The following HDAC9 variants were observed in gnomAD, a reference collection of about 807,000 sequenced individuals.
The protein encoded by HDAC9 is histone deacetylase 9, also known as MEF-2 interacting transcription repressor (MITR) protein.
A neutral mutation model predicts 139.4 loss-of-function variants in HDAC9; 41 were observed. That is an observed-to-expected ratio of 0.29 (90% CI 0.23 to 0.38). The LOEUF is 0.38. Among genes scored for constraint, HDAC9 ranks in the 10% least tolerant of loss-of-function variants. The pLI is 1.00. For synonymous variants in HDAC9, 517 were observed against 476.2 expected (o/e 1.09, Z -1.12); for missense variants, 1,147 against 1,297.0 (o/e 0.88, Z 1.78).
rs111936497 is a variant in HDAC9, at chr7:18,797,836, A to T, written c.2322+4384A>T. The stretch of plus-strand genomic sequence containing the variant: ...AGAGTAAGACTCCATCTCAGAAAAA[A>T]AAAAAAATTCCTTTCGTCTTGTTAA... On this transcript the variant is annotated intron_variant, in intron 17 of 25. Coordinates refer to ENST00000686413, the MANE Select transcript of HDAC9 (RefSeq NM_178425.4). Among the ~76,000 whole-genome samples, 1,453 of 152,228 alleles carry T rather than the reference A, an allele frequency of 9.5e-3. 21 individuals carry two copies. Among genetic ancestry groups the T allele is most frequent in the African/African-American group, 0.033 (1,353 of 41,526 alleles).
chr7:18,807,706 C>T (rs182087912), intron 17 of HDAC9, among the ~76,000 whole-genome samples: 18 of 152,112 alleles, frequency 1.2e-4, no homozygotes, highest in African/African-American at 3.6e-4. Flanking sequence ...AAATATGTTG[C>T]TTAATTGTCA....
chr7:18,836,977 G>C (rs752068915), intron 21 of HDAC9, among the ~76,000 whole-genome samples: 3 of 151,880 alleles, frequency 2.0e-5, no homozygotes, highest in Non-Finnish European at 2.9e-5. Flanking sequence ...TGAAACTTGT[G>C]GAAATAATAG....
chr7:18,794,011 A>G (rs1474490505), intron 17 of HDAC9, among the ~76,000 whole-genome samples: 2 of 152,194 alleles, frequency 1.3e-5, no homozygotes, highest in African/African-American at 4.8e-5. Context: ...TCTTTTCTAC[A>G]TCGTATGAAA....
chr7:18,798,339 T>C (rs1792988318), intron 17 of HDAC9, among the ~76,000 whole-genome samples: 1 of 152,098 alleles, frequency 6.6e-6, no homozygotes. Context: ...TTTTCAAAAC[T>C]CAGGAAAGTA....
chr7:18,728,402 AACACACACAC>A (rs56281287), intron 13 of HDAC9, among the ~76,000 whole-genome samples: 4,443 of 145,616 alleles, frequency 0.031, 102 homozygotes, highest in African/African-American at 0.067. Flanking sequence ...TTAAGTGTGG[AACACACACAC>A]ACACACACAC....
Position 18,680,403 on chromosome 7 carries a change from G to C in HDAC9, c.1731+13927G>C, listed in dbSNP as rs78499138. On this transcript the variant is annotated intron_variant, in intron 12 of 25. Coordinates refer to ENST00000686413, the MANE Select transcript of HDAC9 (RefSeq NM_178425.4). ...TCAGGTTTTGATTTTAGTTGGTATAGAAATGTGTTCTTAAAGCAATCAGAA... is the reference window on the plus strand; with the variant it reads ...TCAGGTTTTGATTTTAGTTGGTATACAAATGTGTTCTTAAAGCAATCAGAA... Among the ~76,000 whole-genome samples the C allele has an allele frequency of 1.4e-3, 219 of 152,112 alleles. 3 individuals are homozygous for C. In the East Asian group the frequency reaches 0.039, roughly 27 times the overall value.
chr7:18,670,077 T>G (rs11977498), intron 12 of HDAC9, among the ~76,000 whole-genome samples: 3,989 of 152,078 alleles, frequency 0.026, 136 homozygotes, highest in African/African-American at 0.069. Context: ...TCATTGTGTT[T>G]TTTTCAATAA....
chr7:18,519,253 TAAAAA>T (rs905154849), intron 2 of HDAC9, among the ~76,000 whole-genome samples: 4 of 152,164 alleles, frequency 2.6e-5, no homozygotes, highest in Non-Finnish European at 4.4e-5. Flanking sequence ...TAGAGAAAGT[TAAAAA>T]AGAATAATTG....
chr7:18,335,781 C>T (rs1205050619), intron 1 of HDAC9, among the ~76,000 whole-genome samples: 1 of 151,482 alleles, frequency 6.6e-6, no homozygotes, highest in Non-Finnish European at 1.5e-5. Context: ...AAACCATCAC[C>T]TTCACTGGCT....
chr7:18,788,664 A>G (rs1792028193), intron 16 of HDAC9, among the ~76,000 whole-genome samples: 1 of 151,682 alleles, frequency 6.6e-6, no homozygotes, highest in Admixed American at 6.6e-5. Flanking sequence ...CTGAGGCGGA[A>G]GAATGGCTTG....
At chr7:18,817,046 T>G (rs866513445) in intron 17 of HDAC9, among the ~76,000 whole-genome samples, 7 of 151,826 alleles carry the variant, frequency 4.6e-5, no homozygotes, top group Admixed American at 2.0e-4. Flanking sequence ...TTGTTTTTTT[T>G]TTTTTTGAAA....
At chr7:18,592,304 A>G (rs75074117) in intron 5 of HDAC9, among the ~76,000 whole-genome samples, 6,043 of 152,200 alleles carry the variant, frequency 0.04, 238 homozygotes, top group African/African-American at 0.11. Context: ...ACACAACCTG[A>G]CAACATAATA....
At chr7:18,554,693 C>G (rs1818260991) in intron 2 of HDAC9, among the ~76,000 whole-genome samples, 1 of 152,124 alleles carries the variant, frequency 6.6e-6, no homozygotes, top group Non-Finnish European at 1.5e-5. Flanking sequence ...TTCTGTCTCC[C>G]TCCTTCTTTT....
At chr7:18,947,399 G>T (rs1483779289) in intron 23 of HDAC9, among the ~76,000 whole-genome samples, 1 of 151,832 alleles carries the variant, frequency 6.6e-6, no homozygotes, top group Non-Finnish European at 1.5e-5. Context: ...CCAGCACTGG[G>T]AAAGAAAAGG....
intron 16 of HDAC9, among the ~76,000 whole-genome samples, chr7:18,774,433 A>G (rs1476478377): frequency 6.6e-6 from 1 of 152,092 alleles, no homozygotes; most frequent in African/African-American, 2.4e-5. Flanking sequence ...GTTCCAGAGC[A>G]ACACAGTAAA....
At chr7:18,683,726 G>C (rs1166551882) in intron 12 of HDAC9, among the ~76,000 whole-genome samples, 2 of 152,048 alleles carry the variant, frequency 1.3e-5, no homozygotes, top group Non-Finnish European at 2.9e-5. Flanking sequence ...GAAAGATAGT[G>C]CTGGCAGAAA....
intron 2 of HDAC9, among the ~76,000 whole-genome samples, chr7:18,197,979 G>A (rs1022607502): frequency 4.6e-5 from 7 of 152,202 alleles, no homozygotes; most frequent in African/African-American, 1.7e-4. Flanking sequence ...TTAAGAATTT[G>A]TAGGATTCCT....
intron 12 of HDAC9, chr7:18,666,694 A>G: frequency 7.7e-7 from 1 of 1,301,580 alleles, no homozygotes; most frequent in Non-Finnish European, 9.8e-7. Context: ...TCAATGTTTC[A>G]TTGAAAATCC....
At position 18,392,033 on chromosome 7, in the gene HDAC9, C is replaced by A. The variant is rs533399086; in HGVS notation, c.-42+101518C>A. ...TGACCTCCTCATCCTCATAATTTAA[C>A]TAGCAATTTCTTTAATGAGGTGAGC... On this transcript the variant is annotated intron_variant, in intron 1 of 3. Coordinates refer to the HDAC9 transcript ENST00000413509. Among the ~76,000 whole-genome samples the A allele has an allele frequency of 2.0e-5, 3 of 152,212 alleles. No individual in the cohort carries two copies. In the East Asian group the frequency reaches 5.8e-4, roughly 29 times the overall value.
Sources: gnomAD v4.1 joint callset for allele counts (sites outside exome capture counted in the v4.1 genomes callset) on GRCh38, gnomAD v4.1.1 for gene constraint, MANE v1.5 for transcripts, NCBI Gene and HGNC (gene_info 2026-07-23, HGNC 2026-07-21) for gene names.